ROBO2: variants seen among roughly 807,000 people sequenced by gnomAD.
ROBO2 encodes roundabout homolog 2.
In ROBO2, 53 loss-of-function variants were observed where a neutral mutation model predicts 160.8. The ratio of observed to expected loss-of-function variants is 0.33; its 90% CI spans 0.26 to 0.41. The LOEUF (loss-of-function observed/expected upper bound fraction) is 0.41, where lower values mean the gene tolerates loss of function less well. ROBO2 is among the 10% of genes least tolerant of loss of function. The pLI is 1.00. For synonymous variants in ROBO2, 664 were observed against 611.7 expected (o/e 1.09, Z -1.26); for missense variants, 1,577 against 1,722.4 (o/e 0.92, Z 1.49).
chr3:76,821,990 A>G (rs1223954108), intron 2 of ROBO2, among the ~76,000 whole-genome samples: 4 of 152,020 alleles, frequency 2.6e-5, no homozygotes, highest in Non-Finnish European at 4.4e-5. Flanking sequence ...ATGAAACTCC[A>G]GTTTTATGTT....
intron 2 of ROBO2, among the ~76,000 whole-genome samples, chr3:75,946,080 C>T (rs1276565316): frequency 1.3e-5 from 2 of 151,992 alleles, no homozygotes; most frequent in Non-Finnish European, 2.9e-5. Flanking sequence ...GTGTTTCCTT[C>T]TACCAGGAAA....
At chr3:77,451,652 A>C (rs2081120473) in intron 2 of ROBO2, among the ~76,000 whole-genome samples, 1 of 152,076 alleles carries the variant, frequency 6.6e-6, no homozygotes, top group Non-Finnish European at 1.5e-5. Context: ...AAATGTGCAA[A>C]GTCTAGTTCA....
At chr3:77,422,947 T>C (rs1424018267) in intron 2 of ROBO2, among the ~76,000 whole-genome samples, 1 of 152,200 alleles carries the variant, frequency 6.6e-6, no homozygotes, top group African/African-American at 2.4e-5. Context: ...CTATTTTTCA[T>C]TGTTTACCAA....
Position 76,988,613 on chromosome 3 carries a change from G to T in ROBO2, c.110-109401G>T, listed in dbSNP as rs1050295198. Among the ~76,000 whole-genome samples the T allele has an allele frequency of 5.9e-5, 9 of 151,892 alleles. No homozygotes were observed. The South Asian group carries it at 1.9e-3, about 32-fold the overall frequency. ...TCTTTACCTTTCTCTGAGTTATTTT[G>T]ATAAGTGTCTTTATTTCCACTTCAA... is the stretch of plus-strand genomic sequence containing the variant. On this transcript the variant is annotated intron_variant, in intron 2 of 26. Coordinates refer to the ROBO2 transcript ENST00000487694.
At chr3:77,530,226 G>C (rs1429285943) in intron 6 of ROBO2, among the ~76,000 whole-genome samples, 1 of 151,876 alleles carries the variant, frequency 6.6e-6, no homozygotes, top group Admixed American at 6.6e-5. Flanking sequence ...AGCATATAAC[G>C]TTTAGAGAAA....
chr3:75,974,597 A>G (rs1057100349), intron 2 of ROBO2, among the ~76,000 whole-genome samples: 3 of 151,558 alleles, frequency 2.0e-5, no homozygotes, highest in Non-Finnish European at 3.0e-5. Context: ...TTGTAATTCT[A>G]TGTACTACTT....
chr3:77,062,299 A>C (rs1219931270), intron 1 of ROBO2, among the ~76,000 whole-genome samples: 1 of 152,194 alleles, frequency 6.6e-6, no homozygotes, highest in African/African-American at 2.4e-5. Flanking sequence ...TTCCTACCAG[A>C]GGTGTTTAAA....
chr3:76,705,549 G>A (rs2093142895), intron 2 of ROBO2, among the ~76,000 whole-genome samples: 2 of 152,062 alleles, frequency 1.3e-5, no homozygotes, highest in South Asian at 2.1e-4. Context: ...GTCAATTAGC[G>A]AGTGATTGAG....
At chr3:77,290,236 T>G (rs1246834879) in intron 2 of ROBO2, among the ~76,000 whole-genome samples, 2 of 132,460 alleles carry the variant, frequency 1.5e-5, no homozygotes, top group Non-Finnish European at 3.2e-5. Flanking sequence ...AGACATAAAG[T>G]AAAATTGATG....
At chr3:76,937,446 A>G (rs2077781009) in intron 2 of ROBO2, among the ~76,000 whole-genome samples, 1 of 152,100 alleles carries the variant, frequency 6.6e-6, no homozygotes, top group African/African-American at 2.4e-5. Context: ...CTATAATCAG[A>G]GTCTATTATG....
chr3:76,940,572 C>G (rs2078119397), intron 2 of ROBO2, among the ~76,000 whole-genome samples: 1 of 152,184 alleles, frequency 6.6e-6, no homozygotes, highest in African/African-American at 2.4e-5. Flanking sequence ...CACGCTGACT[C>G]TAATTCGTCC....
At chr3:76,486,212 G>T (rs2107438642) in intron 2 of ROBO2, among the ~76,000 whole-genome samples, 1 of 152,280 alleles carries the variant, frequency 6.6e-6, no homozygotes, top group East Asian at 1.9e-4. Flanking sequence ...GGACTTAGCA[G>T]CCACAGGGGC....
chr3:77,312,755 T>A (rs2063656993), intron 2 of ROBO2, among the ~76,000 whole-genome samples: 1 of 152,164 alleles, frequency 6.6e-6, no homozygotes, highest in African/African-American at 2.4e-5. Context: ...TGAGTGAAAA[T>A]GTCTACCTTA....
At chr3:76,389,342 T>C (rs185877048) in intron 2 of ROBO2, among the ~76,000 whole-genome samples, 61 of 152,308 alleles carry the variant, frequency 4.0e-4, no homozygotes, top group South Asian at 3.3e-3. Context: ...GCAAAGAATT[T>C]CCACACAGCA....
chr3:76,048,620 A>G (rs1377912574), intron 2 of ROBO2, among the ~76,000 whole-genome samples: 2 of 152,210 alleles, frequency 1.3e-5, no homozygotes, highest in Non-Finnish European at 2.9e-5. Flanking sequence ...AGTTAAAAAA[A>G]CAATATGGAA....
chr3:76,117,900 T>G (rs531068329), intron 2 of ROBO2, among the ~76,000 whole-genome samples: 1 of 152,244 alleles, frequency 6.6e-6, no homozygotes, highest in Admixed American at 6.6e-5. Context: ...GGAAGGTTTA[T>G]TTGAACCTGG....
At chr3:76,502,668 C>T (rs1396119038) in intron 2 of ROBO2, among the ~76,000 whole-genome samples, 2 of 152,060 alleles carry the variant, frequency 1.3e-5, no homozygotes. Context: ...GTGAAATAAG[C>T]ACATCATGAA....
At chr3:77,434,873 A>C (rs2079127688) in intron 2 of ROBO2, among the ~76,000 whole-genome samples, 1 of 152,088 alleles carries the variant, frequency 6.6e-6, no homozygotes, top group African/African-American at 2.4e-5. Flanking sequence ...TTTTATTTTA[A>C]TGCACTCGCA....
chr3:76,496,305 A>G (rs1560044283), intron 2 of ROBO2, among the ~76,000 whole-genome samples: 1 of 152,256 alleles, frequency 6.6e-6, no homozygotes, highest in Non-Finnish European at 1.5e-5. Context: ...ATGGATTAAG[A>G]AAAGAGAATG....
Sources: allele counts gnomAD v4.1 joint callset (sites outside exome capture counted in the v4.1 genomes callset), GRCh38; gene constraint gnomAD v4.1.1; transcripts MANE v1.5; gene names NCBI Gene and HGNC (gene_info 2026-07-23, HGNC 2026-07-21).